Variants in AGBL4 observed in about 807,000 individuals in gnomAD.
The protein encoded by AGBL4 is AGBL carboxypeptidase 4.
In AGBL4, 58 loss-of-function variants were observed where a neutral mutation model predicts 66.4. The observed-to-expected ratio is 0.87, with a 90% confidence interval of 0.71 to 1.09. AGBL4 has a LOEUF of 1.09. Among genes scored for constraint, AGBL4 ranks in the 50% least tolerant of loss-of-function variants. AGBL4 has a pLI of 0.00. For missense variants in AGBL4, 579 were observed against 631.0 expected (o/e 0.92, Z 0.88); for synonymous variants, 234 against 222.9 (o/e 1.05, Z -0.44).
At chr1:49,364,784 C>A (rs1046782994) in intron 3 of AGBL4, among the ~76,000 whole-genome samples, 1 of 152,092 alleles carries the variant, frequency 6.6e-6, no homozygotes, top group Non-Finnish European at 1.5e-5. Flanking sequence ...GGCCCATGTG[C>A]GTACTTTTAC....
At chr1:49,293,339 A>T (rs926407460) in intron 3 of AGBL4, among the ~76,000 whole-genome samples, 1 of 152,242 alleles carries the variant, frequency 6.6e-6, no homozygotes, top group African/African-American at 2.4e-5. Context: ...AGCCGAGTGT[A>T]GCCTGCCAGA....
At chr1:49,724,777 A>G (rs1420120960) in intron 2 of AGBL4, among the ~76,000 whole-genome samples, 3 of 152,106 alleles carry the variant, frequency 2.0e-5, no homozygotes, top group African/African-American at 4.8e-5. Context: ...ATATATATAT[A>G]TATCTGTCCC....
chr1:48,575,051 G>A (rs906025036), intron 11 of AGBL4, among the ~76,000 whole-genome samples: 2 of 152,172 alleles, frequency 1.3e-5, no homozygotes, highest in South Asian at 2.1e-4. Context: ...CCCTTTGAAT[G>A]AGCCTGAAGG....
intron 3 of AGBL4, among the ~76,000 whole-genome samples, chr1:49,454,450 A>G (rs1646345438): frequency 1.3e-5 from 2 of 151,802 alleles, no homozygotes; most frequent in Non-Finnish European, 2.9e-5. Context: ...GGCAATACAG[A>G]GGAGATTCTA....
chr1:49,664,558 A>T (rs1327674061), intron 3 of AGBL4, among the ~76,000 whole-genome samples: 1 of 152,090 alleles, frequency 6.6e-6, no homozygotes, highest in Non-Finnish European at 1.5e-5. Flanking sequence ...ATTACTAGTA[A>T]TAAAGCATCA....
chr1:49,744,942 T>G (rs1186949395), intron 2 of AGBL4, among the ~76,000 whole-genome samples: 1 of 152,060 alleles, frequency 6.6e-6, no homozygotes, highest in Non-Finnish European at 1.5e-5. Context: ...TTAAAAATAA[T>G]TTAAATGGTA....
intron 2 of AGBL4, among the ~76,000 whole-genome samples, chr1:49,789,471 G>A (rs944559918): frequency 6.6e-6 from 1 of 152,244 alleles, no homozygotes; most frequent in Admixed American, 6.5e-5. Context: ...AAGCTGATAA[G>A]CAACTTCAGC....
At chr1:49,337,264 T>A (rs1645456169) in intron 3 of AGBL4, among the ~76,000 whole-genome samples, 1 of 152,204 alleles carries the variant, frequency 6.6e-6, no homozygotes, top group African/African-American at 2.4e-5. Flanking sequence ...GCTCTTTTAC[T>A]GCAGGTTTGA....
At chr1:49,289,387 C>T (rs928057736) in intron 3 of AGBL4, among the ~76,000 whole-genome samples, 1 of 151,888 alleles carries the variant, frequency 6.6e-6, no homozygotes, top group Admixed American at 6.6e-5. Flanking sequence ...GCACCAGAAA[C>T]CAGACAAGCC....
chr1:49,954,103 T>C (rs928349728), intron 1 of AGBL4, among the ~76,000 whole-genome samples: 1 of 151,770 alleles, frequency 6.6e-6, no homozygotes, highest in African/African-American at 2.4e-5. Flanking sequence ...CTATGTTACA[T>C]ATATTGGTCT....
intron 3 of AGBL4, among the ~76,000 whole-genome samples, chr1:49,596,326 T>C (rs1296186391): frequency 6.6e-6 from 1 of 152,088 alleles, no homozygotes; most frequent in East Asian, 1.9e-4. Flanking sequence ...CACACCACCA[T>C]GCCCAATTGA....
chr1:49,035,433 A>G (rs1022932082), intron 5 of AGBL4, among the ~76,000 whole-genome samples: 1 of 152,160 alleles, frequency 6.6e-6, no homozygotes, highest in Admixed American at 6.6e-5. Context: ...CAAGAGGGTG[A>G]CTTGAAAGAC....
intron 3 of AGBL4, among the ~76,000 whole-genome samples, chr1:49,690,531 T>A (rs1050436187): frequency 6.6e-6 from 1 of 152,214 alleles, no homozygotes; most frequent in African/African-American, 2.4e-5. Context: ...CCTTTCTTTG[T>A]CTCAGTTCCT....
intron 3 of AGBL4, among the ~76,000 whole-genome samples, chr1:49,404,004 C>G (rs1023283076): frequency 3.3e-5 from 5 of 152,076 alleles, no homozygotes; most frequent in Non-Finnish European, 7.4e-5. Flanking sequence ...CTTTAGTTTT[C>G]AGGTTAAAAT....
chr1:49,958,284 C>T (rs1346070582), intron 1 of AGBL4, among the ~76,000 whole-genome samples: 1 of 151,996 alleles, frequency 6.6e-6, no homozygotes, highest in Non-Finnish European at 1.5e-5. Context: ...TCTCTGGCTG[C>T]CCTGAATATT....
intron 1 of AGBL4, among the ~76,000 whole-genome samples, chr1:49,998,932 C>T (rs960464008): frequency 6.6e-6 from 1 of 151,956 alleles, no homozygotes; most frequent in Non-Finnish European, 1.5e-5. Context: ...AGGGACACCC[C>T]TTAGGTAATA....
chr1:48,840,447 T>C (rs367964434), intron 6 of AGBL4, among the ~76,000 whole-genome samples: 26 of 152,186 alleles, frequency 1.7e-4, no homozygotes, highest in African/African-American at 6.3e-4. Context: ...TTTAAATGAC[T>C]TAACATGCAT....
chr1:49,128,883 T>C (rs575818404), intron 4 of AGBL4, among the ~76,000 whole-genome samples: 91 of 151,890 alleles, frequency 6.0e-4, no homozygotes, highest in Non-Finnish European at 2.1e-4. Context: ...TATATAAAAA[T>C]TAAATATGTC....
intron 5 of AGBL4, among the ~76,000 whole-genome samples, chr1:48,898,024 G>T (rs1304071068): frequency 6.6e-6 from 1 of 152,028 alleles, no homozygotes; most frequent in Non-Finnish European, 1.5e-5. Flanking sequence ...TGTTGGCCAG[G>T]ATGGTCTCGA....
Sources: allele counts gnomAD v4.1 joint callset (sites outside exome capture counted in the v4.1 genomes callset), GRCh38; gene constraint gnomAD v4.1.1; transcripts MANE v1.5; gene names NCBI Gene and HGNC (gene_info 2026-07-23, HGNC 2026-07-21).